FAM114A2: variants seen among roughly 807,000 people sequenced by gnomAD.
FAM114A2 encodes protein FAM114A2.
A neutral mutation model predicts 58.4 loss-of-function variants in FAM114A2; 53 were observed. The ratio of observed to expected loss-of-function variants is 0.91; its 90% CI spans 0.73 to 1.14. The LOEUF is 1.14. FAM114A2 is among the 50% of genes most tolerant of loss of function. The pLI is 0.00. For synonymous variants in FAM114A2, 228 were observed against 211.4 expected (o/e 1.08, Z -0.68); for missense variants, 601 against 581.1 (o/e 1.03, Z -0.35).
At chr5:154,029,655 A>T in intron 4 of FAM114A2, 75 bp from the exon 5 acceptor site, 1 of 782,466 alleles carries the variant, frequency 1.3e-6, no homozygotes, top group East Asian at 2.7e-5. Context: ...ATCTATGTGA[A>T]TTTTTTAAAA....
chr5:154,023,240 C>T (rs1345730520), intron 8 of FAM114A2, among the ~76,000 whole-genome samples: 2 of 152,126 alleles, frequency 1.3e-5, no homozygotes, highest in East Asian at 3.9e-4. Flanking sequence ...ACATACGTAA[C>T]AGGCCTGCAC....
intron 11 of FAM114A2, among the ~76,000 whole-genome samples, chr5:153,999,951 G>GTA (rs887432807): frequency 3.3e-5 from 5 of 151,718 alleles, no homozygotes; most frequent in Admixed American, 1.3e-4. Context: ...GTATGTGTGT[G>GTA]TATATATATG....
chr5:154,011,380 C>T, intron 8 of FAM114A2, 60 bp from the exon 9 acceptor site: 1 of 1,163,654 alleles, frequency 8.6e-7, no homozygotes, highest in East Asian at 2.4e-5. Context: ...CATGAGGTGG[C>T]AGGCGAGGAG....
intron 8 of FAM114A2, among the ~76,000 whole-genome samples, chr5:154,022,543 C>G (rs776542023): frequency 1.2e-4 from 18 of 152,222 alleles, no homozygotes; most frequent in Non-Finnish European, 2.4e-4. Context: ...AAATGCTCAT[C>G]ATCACTGGTC....
At chr5:154,021,194 T>C (rs1030691521) in intron 8 of FAM114A2, among the ~76,000 whole-genome samples, 1 of 152,208 alleles carries the variant, frequency 6.6e-6, no homozygotes, top group African/African-American at 2.4e-5. Flanking sequence ...AGTATCATAC[T>C]GAATGGGCAA....
At chr5:154,007,169 A>T (rs1284444408) in intron 9 of FAM114A2, among the ~76,000 whole-genome samples, 1 of 152,172 alleles carries the variant, frequency 6.6e-6, no homozygotes, top group African/African-American at 2.4e-5. Context: ...TGAAATCATC[A>T]TGAACTATTG....
chr5:154,033,758 TA>T (rs767942169), intron 4 of FAM114A2, 32 bp downstream of exon 4: 1 of 1,260,594 alleles, frequency 7.9e-7, no homozygotes. Flanking sequence ...TTTCAATTCA[TA>T]ATTCTAGGTC....
At position 153,990,638 on chromosome 5, in the gene FAM114A2, CTCTCTTAA is replaced by C. The variant is rs1263537287; in HGVS notation, c.*2330_*2337del. 10 of 152,086 alleles carry C rather than the reference CTCTCTTAA, an allele frequency of 6.6e-5. No homozygotes were observed. Among genetic ancestry groups the C allele is most frequent in the Non-Finnish European group, 1.3e-4 (9 of 68,004 alleles). 9.4% of individuals were successfully genotyped at this position (152,086 alleles called of 1,614,324 possible). On this transcript the variant is annotated 3_prime_UTR_variant, in exon 14 of 14. Coordinates refer to ENST00000351797, the MANE Select transcript of FAM114A2 (RefSeq NM_018691.4). ...TTCTTTCAGATCAAATTAATAAAGT[CTCTCTTAA>C]TCACAGCCTTTTAAAATCTCAATAG... is the stretch of plus-strand genomic sequence containing the variant.
intron 2 of FAM114A2, 95 bp from the exon 3 acceptor site, chr5:154,034,472 C>A: frequency 2.7e-6 from 2 of 736,936 alleles, no homozygotes; most frequent in Non-Finnish European, 4.5e-6. Context: ...AATTATTAGC[C>A]AAAAGCATGG....
At chr5:154,016,284 C>T (rs1771036315) in intron 8 of FAM114A2, among the ~76,000 whole-genome samples, 1 of 152,098 alleles carries the variant, frequency 6.6e-6, no homozygotes, top group Non-Finnish European at 1.5e-5. Flanking sequence ...AAATTCATCG[C>T]AAAAAGACCA....
intron 8 of FAM114A2, among the ~76,000 whole-genome samples, chr5:154,022,680 T>C (rs1008247625): frequency 1.3e-5 from 2 of 152,218 alleles, no homozygotes; most frequent in African/African-American, 2.4e-5. Context: ...GCTTTTACAA[T>C]GTTGGTGGGA....
chr5:154,004,686 A>G (rs1770235404), intron 9 of FAM114A2, among the ~76,000 whole-genome samples: 1 of 151,724 alleles, frequency 6.6e-6, no homozygotes, highest in African/African-American at 2.4e-5. Flanking sequence ...CCAATCACCA[A>G]GATGGTCTGA....
chr5:154,025,761 A>G (rs563715634), intron 8 of FAM114A2, among the ~76,000 whole-genome samples: 2 of 152,312 alleles, frequency 1.3e-5, no homozygotes, highest in South Asian at 4.1e-4. Context: ...AAATGTCAAT[A>G]AAACAACCCT....
At chr5:153,997,764 C>T (rs1181440427) in intron 12 of FAM114A2, 39 bp downstream of exon 12, 3 of 1,197,854 alleles carry the variant, frequency 2.5e-6, no homozygotes, top group Non-Finnish European at 3.7e-6. Context: ...CTAAAGAAAC[C>T]AGACAAACAT....
At chr5:154,020,140 T>C (rs962057029) in intron 8 of FAM114A2, among the ~76,000 whole-genome samples, 3 of 152,138 alleles carry the variant, frequency 2.0e-5, no homozygotes, top group African/African-American at 7.2e-5. Context: ...GGGACACATT[T>C]AGAGCAGTGT....
At chr5:154,006,163 T>C (rs1770331416) in intron 9 of FAM114A2, among the ~76,000 whole-genome samples, 1 of 152,218 alleles carries the variant, frequency 6.6e-6, no homozygotes, top group Admixed American at 6.5e-5. Flanking sequence ...GTGAGATATC[T>C]AGCAAGACCA....
intron 8 of FAM114A2, among the ~76,000 whole-genome samples, chr5:154,013,811 C>G (rs921603291): frequency 6.6e-6 from 1 of 152,160 alleles, no homozygotes; most frequent in Non-Finnish European, 1.5e-5. Context: ...CCTGCTAAGA[C>G]TTTTAAAATG....
chr5:154,028,576 A>G (rs1019009886), intron 5 of FAM114A2, among the ~76,000 whole-genome samples: 10 of 152,236 alleles, frequency 6.6e-5, no homozygotes, highest in Non-Finnish European at 1.5e-4. Context: ...AAAAATGTTC[A>G]TAACAGCTCT....
chr5:154,026,215 C>A, intron 8 of FAM114A2, 184 bp downstream of exon 8: 1 of 364,780 alleles, frequency 2.7e-6, no homozygotes, highest in Non-Finnish European at 4.8e-6. Context: ...GCCAACTGCC[C>A]CCATCAATGC....
Sources: allele counts gnomAD v4.1 joint callset (sites outside exome capture counted in the v4.1 genomes callset), GRCh38; gene constraint gnomAD v4.1.1; transcripts MANE v1.5; gene names NCBI Gene and HGNC (gene_info 2026-07-23, HGNC 2026-07-21).